Variants in UBXN7 observed in about 807,000 individuals in gnomAD.
UBXN7 encodes the protein UBX domain-containing protein 7.
Under a neutral mutation model 58.0 loss-of-function variants are expected in UBXN7, and 9 were observed. That is an observed-to-expected ratio of 0.16 (90% CI 0.09 to 0.27). The LOEUF (loss-of-function observed/expected upper bound fraction) is 0.27, where lower values mean the gene tolerates loss of function less well. Among genes scored for constraint, UBXN7 ranks in the 10% least tolerant of loss-of-function variants. The pLI is 1.00. For missense variants in UBXN7, 328 were observed against 599.6 expected (o/e 0.55, Z 4.73); for synonymous variants, 208 against 205.0 (o/e 1.01, Z -0.12).
At chr3:196,365,029 T>C (rs1728623092) in intron 8 of UBXN7, among the ~76,000 whole-genome samples, 1 of 152,112 alleles carries the variant, frequency 6.6e-6, no homozygotes. Context: ...GCAGACACTG[T>C]CAGGCTCCTA....
chr3:196,358,267 T>C (rs1453506346), intron 10 of UBXN7, among the ~76,000 whole-genome samples: 2 of 152,156 alleles, frequency 1.3e-5, no homozygotes, highest in Non-Finnish European at 2.9e-5. Context: ...CTTAAACACT[T>C]TGCAGTTCCA....
At chr3:196,376,595 G>C (rs1214420011) in intron 5 of UBXN7, among the ~76,000 whole-genome samples, 1 of 146,392 alleles carries the variant, frequency 6.8e-6, no homozygotes, top group Non-Finnish European at 1.5e-5. Flanking sequence ...GGAAAAATTA[G>C]TTACTAACTA....
At chr3:196,372,141 TAA>T (rs755426409) in intron 5 of UBXN7, 99 bp from the exon 6 acceptor site, 121 of 1,372,354 alleles carry the variant, frequency 8.8e-5, no homozygotes, top group Admixed American at 1.1e-4. Flanking sequence ...TTAAAAATAC[TAA>T]GTTTTTGCCA....
intron 3 of UBXN7, among the ~76,000 whole-genome samples, chr3:196,401,823 G>GAGAGAAGAGAAGAGAAGACA (rs1730000846): frequency 8.3e-6 from 1 of 120,314 alleles, no homozygotes; most frequent in Non-Finnish European, 1.7e-5. Flanking sequence ...GAAAAGAGAA[G>GAGAGAAGAGAAGAGAAGACA]AGAGAAGAGA....
At chr3:196,395,663 G>A (rs988184530) in intron 3 of UBXN7, among the ~76,000 whole-genome samples, 5 of 151,864 alleles carry the variant, frequency 3.3e-5, no homozygotes, top group African/African-American at 9.7e-5. Flanking sequence ...TCACTATATC[G>A]CCCAGGCTAG....
At chr3:196,374,539 CAA>C (rs757510398) in intron 5 of UBXN7, among the ~76,000 whole-genome samples, 32 of 151,680 alleles carry the variant, frequency 2.1e-4, no homozygotes, top group Non-Finnish European at 2.8e-4. Context: ...AGGAAGGGTG[CAA>C]AGACACAATT....
chr3:196,365,389 TTTTTG>T lies in UBXN7; in HGVS notation c.834+2634_834+2638del, dbSNP rs1211922841. Among the ~76,000 whole-genome samples the T allele has an allele frequency of 3.9e-5, 6 of 152,038 alleles. No homozygotes were observed. In the East Asian group the frequency reaches 5.8e-4, roughly 15 times the overall value. On this transcript the variant is annotated intron_variant, in intron 8 of 10. Coordinates refer to ENST00000296328, the MANE Select transcript of UBXN7 (RefSeq NM_015562.2). Reference sequence around the variant, plus strand: ...AACCCACCAAAATCCCAAGAGCAGTTTTTTGTTTTGTTTTGTTTTTTGTTTCTTAA... The same window carrying T: ...AACCCACCAAAATCCCAAGAGCAGTTTTTTGTTTTGTTTTTTGTTTCTTAA...
chr3:196,412,199 CCA>C lies in UBXN7; in HGVS notation c.74-4808_74-4807del, dbSNP rs1273170657. Among the ~76,000 whole-genome samples, 6 of 140,102 alleles carry C rather than the reference CCA, an allele frequency of 4.3e-5. No homozygotes were observed. The East Asian group carries it at 1.3e-3, about 30-fold the overall frequency. 91.9% of individuals were successfully genotyped at this position (140,102 alleles called of 152,430 possible). On this transcript the variant is annotated intron_variant, in intron 1 of 10. Coordinates refer to ENST00000296328, the MANE Select transcript of UBXN7 (RefSeq NM_015562.2). ...TGAGCTGAGATCACACCACTGCACT[CCA>C]GTTTGGGTGACAGAGCGAGACTTTG...
At position 196,415,651 on chromosome 3, in the gene UBXN7, G is replaced by A. The variant is rs181995215; in HGVS notation, c.74-8258C>T. Among the ~76,000 whole-genome samples, 160 of 151,622 alleles carry A rather than the reference G, an allele frequency of 1.1e-3. 1 individual carries two copies. The East Asian group carries it at 0.017, about 16-fold the overall frequency. On this transcript the variant is annotated intron_variant, in intron 1 of 10. Coordinates refer to ENST00000296328, the MANE Select transcript of UBXN7 (RefSeq NM_015562.2). Reference sequence around the variant, plus strand: ...AAAAAAATTAGCTGGGCATGGTGGCGCGTGCCTGTAATCCCAACTACTCGG... The same window carrying A: ...AAAAAAATTAGCTGGGCATGGTGGCACGTGCCTGTAATCCCAACTACTCGG...
chr3:196,361,784 C>G lies in UBXN7; in HGVS notation c.1308+60G>C, dbSNP rs576499159. On this transcript the variant is annotated intron_variant, in intron 10 of 10. Coordinates refer to ENST00000296328, the MANE Select transcript of UBXN7 (RefSeq NM_015562.2). ...CTTTTATATGCACCAGGAAACCAAACAATTTGGGACTCGTCTTATTGCAGT... is the reference window on the plus strand; with the variant it reads ...CTTTTATATGCACCAGGAAACCAAAGAATTTGGGACTCGTCTTATTGCAGT... The G allele has an allele frequency of 2.8e-5, 41 of 1,473,022 alleles. No individual in the cohort carries two copies. The African/African-American group carries it at 3.9e-4, about 14-fold the overall frequency. 91.2% of individuals were successfully genotyped at this position (1,473,022 alleles called of 1,614,324 possible).
intron 2 of UBXN7, 23 bp from the exon 3 acceptor site, chr3:196,403,042 TA>T: frequency 6.3e-7 from 1 of 1,576,898 alleles, no homozygotes; most frequent in Admixed American, 2.1e-5. Flanking sequence ...AATGGGAAAA[TA>T]AAAAATGAAA....
At chr3:196,432,253 A>G in intron 1 of UBXN7, 74 bp downstream of exon 1, 1 of 1,582,018 alleles carries the variant, frequency 6.3e-7, no homozygotes, top group Non-Finnish European at 8.6e-7. Flanking sequence ...GCCTGAAGGT[A>G]AGGGGAAGCC....
chr3:196,385,727 C>T (rs1021287890), intron 5 of UBXN7, among the ~76,000 whole-genome samples: 16 of 151,252 alleles, frequency 1.1e-4, no homozygotes, highest in Admixed American at 6.6e-4. Context: ...CCCCTACGCC[C>T]GGCAGCCGCC....
In UBXN7 at chr3:196,407,212, G is replaced by T. The variant is rs770428779; in HGVS notation, c.221+34C>A. ...AATGCAACTACTTAATTTAGGCAAT[G>T]GATAGCTCCTGACAACACATAATAA... On this transcript the variant is annotated intron_variant, in intron 2 of 10. Coordinates refer to ENST00000296328, the MANE Select transcript of UBXN7 (RefSeq NM_015562.2). The T allele has an allele frequency of 1.9e-6, 3 of 1,602,044 alleles. No homozygotes were observed. The African/African-American group carries it at 4.0e-5, about 21-fold the overall frequency.
intron 10 of UBXN7, among the ~76,000 whole-genome samples, chr3:196,359,469 T>TA (rs1423273395): frequency 6.6e-6 from 1 of 152,056 alleles, no homozygotes; most frequent in Non-Finnish European, 1.5e-5. Flanking sequence ...AATCAATTGC[T>TA]AAAAATGATG....
At chr3:196,422,084 C>T (rs1257456321) in intron 1 of UBXN7, among the ~76,000 whole-genome samples, 1 of 152,076 alleles carries the variant, frequency 6.6e-6, no homozygotes, top group African/African-American at 2.4e-5. Flanking sequence ...CCTGTAGTCC[C>T]AGCTACTTGG....
chr3:196,392,347 C>CA (rs11406393), intron 4 of UBXN7, among the ~76,000 whole-genome samples: 26,849 of 141,856 alleles, frequency 0.19, 2,873 homozygotes, highest in African/African-American at 0.31. Context: ...ACTAAAAATA[C>CA]AAAAAAAAAA....
In UBXN7 at chr3:196,432,402, T is replaced by C. The variant is rs1560250505; in HGVS notation, c.-3A>G. On this transcript the variant is annotated 5_prime_UTR_variant, in exon 1 of 11. Coordinates refer to ENST00000296328, the MANE Select transcript of UBXN7 (RefSeq NM_015562.2). ...GCGGAGCCCCCGTGGGCAGCCATCTTACCGCCGCCGCCGCCGCCGAACAAC... is the reference window on the plus strand; with the variant it reads ...GCGGAGCCCCCGTGGGCAGCCATCTCACCGCCGCCGCCGCCGCCGAACAAC... 1 of 1,589,080 alleles carries C rather than the reference T, an allele frequency of 6.3e-7. No individual in the cohort carries two copies. The highest frequency in any genetic ancestry group is 2.3e-5 in the East Asian group (1 of 44,330).
rs1448280092 is a variant in UBXN7 at position 196,358,561 on chromosome 3, A to G, written c.1309-1715T>C. ...GACCAGCCTGGGTAACATAGTGAGA[A>G]CCCTTCTCTACAAAAAAGAATTTTA... is the stretch of plus-strand genomic sequence containing the variant. On this transcript the variant is annotated intron_variant, in intron 10 of 10. Coordinates refer to ENST00000296328, the MANE Select transcript of UBXN7 (RefSeq NM_015562.2). Among the ~76,000 whole-genome samples the G allele has an allele frequency of 2.0e-5, 3 of 152,190 alleles. No individual in the cohort carries two copies. The East Asian group carries it at 5.8e-4, about 29-fold the overall frequency.
Sources: allele counts gnomAD v4.1 joint callset (sites outside exome capture counted in the v4.1 genomes callset), GRCh38; gene constraint gnomAD v4.1.1; transcripts MANE v1.5; gene names NCBI Gene and HGNC (gene_info 2026-07-23, HGNC 2026-07-21).